NGEF: variants seen among roughly 807,000 people sequenced by gnomAD.
NGEF encodes neuronal guanine nucleotide exchange factor, also known as ephexin-1.
In NGEF, 31 loss-of-function variants were observed where a neutral mutation model predicts 80.9. The ratio of observed to expected loss-of-function variants is 0.38; its 90% CI spans 0.29 to 0.52. The LOEUF is 0.52. NGEF is among the 20% of genes least tolerant of loss of function. The pLI is 0.84. For missense variants in NGEF, 709 were observed against 926.2 expected (o/e 0.77, Z 3.04); for synonymous variants, 371 against 370.2 (o/e 1.00, Z -0.03).
intron 1 of NGEF, among the ~76,000 whole-genome samples, chr2:232,977,886 G>T (rs1452479668): frequency 6.6e-6 from 1 of 152,174 alleles, no homozygotes; most frequent in Non-Finnish European, 1.5e-5. Context: ...AGTGACTTGT[G>T]GTGGTTTTGA....
At chr2:232,962,509 A>T (rs1263635176) in intron 3 of NGEF, among the ~76,000 whole-genome samples, 1 of 152,008 alleles carries the variant, frequency 6.6e-6, no homozygotes, top group African/African-American at 2.4e-5. Context: ...AGATGGCACC[A>T]CTGCACTCTA....
At chr2:232,916,199 C>T (rs1471379685) in intron 5 of NGEF, among the ~76,000 whole-genome samples, 1 of 152,216 alleles carries the variant, frequency 6.6e-6, no homozygotes, top group Admixed American at 6.5e-5. Context: ...AGTGAGAGGG[C>T]ACATAAGCCC....
chr2:232,980,841 T>A lies in NGEF; in HGVS notation c.-74-5877A>T, dbSNP rs565008200. ...GTCCCTAGAGCCCCCTCAGGCAAAG[T>A]CCTAGGGGAACACCGCCACCAGGGC... On this transcript the variant is annotated intron_variant, in intron 1 of 14. Transcript: ENST00000264051. 5.9e-5 allele frequency among the ~76,000 whole-genome samples: 9 copies of A among 152,128 alleles called. No individual in the cohort carries two copies. In the East Asian group the frequency reaches 1.8e-3, roughly 30 times the overall value.
chr2:232,932,196 G>T lies in NGEF; in HGVS notation c.384-5010C>A, dbSNP rs528599594. ...TTTTTTTTTTTTGAGACAGAATCTT[G>T]CTCTATTGCCCAGGCTGGAGTGCAG... On this transcript the variant is annotated intron_variant, in intron 3 of 14. Coordinates refer to ENST00000264051, the MANE Select transcript of NGEF (RefSeq NM_019850.3). 3.5e-3 allele frequency among the ~76,000 whole-genome samples: 350 copies of T among 100,686 alleles called. 2 individuals are homozygous for T. Among genetic ancestry groups the T allele is most frequent in the African/African-American group, 0.012 (315 of 26,028 alleles). 66.1% of individuals were successfully genotyped at this position (100,686 alleles called of 152,430 possible).
chr2:233,006,546 T>C (rs1695087513), intron 1 of NGEF, among the ~76,000 whole-genome samples: 1 of 152,232 alleles, frequency 6.6e-6, no homozygotes, highest in African/African-American at 2.4e-5. Flanking sequence ...GGTTCTTGTG[T>C]ACACATTCCT....
intron 3 of NGEF, among the ~76,000 whole-genome samples, chr2:232,956,137 G>T (rs1358451951): frequency 6.6e-6 from 1 of 152,088 alleles, no homozygotes; most frequent in Non-Finnish European, 1.5e-5. Context: ...GGCTTGAGGA[G>T]AGCAAAGATT....
intron 3 of NGEF, among the ~76,000 whole-genome samples, chr2:232,959,830 C>G (rs745996001): frequency 1.3e-5 from 2 of 152,304 alleles, no homozygotes; most frequent in Middle Eastern, 3.4e-3. Context: ...CTGCCCGCCT[C>G]GGCCTCCCAA....
Position 232,978,930 on chromosome 2 carries a change from C to G in NGEF, c.-74-3966G>C, listed in dbSNP as rs142759536. ...GATGGGTTTTGCCATGCTGCCCAGG[C>G]TGGGTGTCTGGCTTCTGTAGCCTAT... On this transcript the variant is annotated intron_variant, in intron 1 of 14. Coordinates refer to ENST00000264051, the MANE Select transcript of NGEF (RefSeq NM_019850.3). Among the ~76,000 whole-genome samples, 1,083 of 152,310 alleles carry G rather than the reference C, an allele frequency of 7.1e-3. 10 individuals carry two copies. Among genetic ancestry groups the G allele is most frequent in the African/African-American group, 0.024 (1,015 of 41,566 alleles).
intron 3 of NGEF, among the ~76,000 whole-genome samples, chr2:232,935,191 T>C (rs538108506): frequency 1.9e-4 from 29 of 152,368 alleles, no homozygotes; most frequent in African/African-American, 6.7e-4. Context: ...CAGGAGTTCT[T>C]GTTTATGTTT....
rs1451032064 is a variant in NGEF, at chr2:232,928,125, G to GCTGCAA, written c.384-940_384-939insTTGCAG. On this transcript the variant is annotated intron_variant, in intron 3 of 14. Coordinates refer to ENST00000264051, the MANE Select transcript of NGEF (RefSeq NM_019850.3). ...CGCGCGCGGCTCGACCGGAGCTGCA[G>GCTGCAA]CCGCCGCCGCCACCGCTGCCGAGCA... is the stretch of plus-strand genomic sequence containing the variant. 4,096 of 1,001,612 alleles carry GCTGCAA rather than the reference G, an allele frequency of 4.1e-3. 12 individuals carry two copies. Among genetic ancestry groups the GCTGCAA allele is most frequent in the Middle Eastern group, 7.0e-3 (14 of 2,010 alleles). The allele number at this position is 1,001,612 out of a possible 1,614,324, so 62.0% of individuals were successfully genotyped here.
At chr2:232,972,744 C>CCT (rs1694219672) in intron 2 of NGEF, among the ~76,000 whole-genome samples, 1 of 123,322 alleles carries the variant, frequency 8.1e-6, no homozygotes, top group African/African-American at 2.9e-5. Flanking sequence ...TGTCCTTATC[C>CCT]TTTTTTTTTT....
rs139690877 is a variant in NGEF, at chr2:232,884,276, G to A, written c.1438-132C>T. 249 of 1,007,438 alleles carry A rather than the reference G, an allele frequency of 2.5e-4. 3 individuals are homozygous for A. In the East Asian group the frequency reaches 6.3e-3, roughly 26 times the overall value. 62.4% of individuals were successfully genotyped at this position (1,007,438 alleles called of 1,614,324 possible). On this transcript the variant is annotated intron_variant, in intron 10 of 14. Coordinates refer to ENST00000264051, the MANE Select transcript of NGEF (RefSeq NM_019850.3). ...CGACACATGAGGCACAAGTTGGGGG[G>A]AAAGGCCGAGTTCTGGACGGATGCA...
At chr2:232,977,820 A>C (rs570282495) in intron 1 of NGEF, among the ~76,000 whole-genome samples, 1 of 152,204 alleles carries the variant, frequency 6.6e-6, no homozygotes, top group African/African-American at 2.4e-5. Context: ...GATGGCACAC[A>C]GGTGAGTACC....
chr2:232,974,917 AGAACG>A lies in NGEF; in HGVS notation c.-32_-28del. 2 of 1,605,800 alleles carry A rather than the reference AGAACG, an allele frequency of 1.2e-6. No individual in the cohort carries two copies. The highest frequency in any genetic ancestry group is 1.7e-6 in the Non-Finnish European group (2 of 1,176,436). ...GAAATAGAGCCAGATGTTTCTCAGCAGAACGACTGGAGGTCAATGACTTTCCCAAG... is the reference window on the plus strand; with the variant it reads ...GAAATAGAGCCAGATGTTTCTCAGCAACTGGAGGTCAATGACTTTCCCAAG... On this transcript the variant is annotated 5_prime_UTR_variant, in exon 2 of 15. An upstream open reading frame in the 5' UTR loses its in-frame stop. Transcript: ENST00000264051.
chr2:232,891,350 G>A lies in NGEF; in HGVS notation c.1272+8C>T, dbSNP rs1419996819. On this transcript the variant is annotated splice_region_variant and intron_variant, in intron 8 of 14. Coordinates refer to ENST00000264051, the MANE Select transcript of NGEF (RefSeq NM_019850.3). ...CCCCGTCTGTGGGTCAGGTGGAGGAGGCTGTACCTGGACCAACAGCTTGAG... is the reference window on the plus strand; with the variant it reads ...CCCCGTCTGTGGGTCAGGTGGAGGAAGCTGTACCTGGACCAACAGCTTGAG... The A allele has an allele frequency of 3.1e-6, 5 of 1,613,372 alleles. No individual in the cohort carries two copies. In the East Asian group the frequency reaches 8.9e-5, roughly 29 times the overall value.
rs57407464 is a variant in NGEF, at chr2:232,956,781, TAAAA to T, written c.383+13429_383+13432del. 2.1e-3 allele frequency among the ~76,000 whole-genome samples: 130 copies of T among 62,108 alleles called. 1 individual carries two copies. Among genetic ancestry groups the T allele is most frequent in the East Asian group, 4.5e-3 (7 of 1,558 alleles). 40.7% of individuals were successfully genotyped at this position (62,108 alleles called of 152,430 possible). On this transcript the variant is annotated intron_variant, in intron 3 of 14. Coordinates refer to ENST00000264051, the MANE Select transcript of NGEF (RefSeq NM_019850.3). The stretch of plus-strand genomic sequence containing the variant: ...CTGGGCGACAGAGCAAGACTCCATC[TAAAA>T]AAAAAAAAAAAAAAAAAAAAAAATT...
At chr2:232,970,902 A>G (rs1161564392) in intron 2 of NGEF, among the ~76,000 whole-genome samples, 1 of 152,274 alleles carries the variant, frequency 6.6e-6, no homozygotes, top group Non-Finnish European at 1.5e-5. Context: ...TGGAAATAAG[A>G]ATACAAACCT....
Position 232,884,088 on chromosome 2 carries a change from C to G in NGEF, c.1494G>C (p.Gln498His). 6.2e-7 allele frequency: 1 copy of G among 1,611,974 alleles called. No individual in the cohort carries two copies. Among genetic ancestry groups the G allele is most frequent in the Non-Finnish European group, 8.5e-7 (1 of 1,179,544 alleles). Reference protein sequence around the residue: ...RWLLKQGELQQMSGPKTSRTL... With the variant: ...RWLLKQGELQHMSGPKTSRTL... ...TCCGGGAGGTCTTGGGGCCTGACAT[C>G]TGCTGCAGCTCACCCTGCTTCAGCA... Residue 498 changes from glutamine (Q) to histidine (H), a missense_variant, in exon 11 of 15, where the codon CAG becomes CAC. Physicochemically the swap from Gln to His is conservative, Grantham distance 24. Around this residue, in one of 2 missense-constraint regions of NGEF, gnomAD observed 426 missense variants for 622.9 expected, o/e 0.68. Coordinates refer to ENST00000264051, the MANE Select transcript of NGEF (RefSeq NM_019850.3).
intron 5 of NGEF, among the ~76,000 whole-genome samples, chr2:232,914,665 T>C (rs951436157): frequency 6.6e-6 from 1 of 152,184 alleles, no homozygotes; most frequent in African/African-American, 2.4e-5. Flanking sequence ...ATTGTGCCAC[T>C]GCACTCCAGC....
Sources: gnomAD v4.1 joint callset for allele counts (sites outside exome capture counted in the v4.1 genomes callset) on GRCh38, gnomAD v4.1.1 for gene constraint, gnomAD v4.1.1 regional missense constraint, MANE v1.5 for transcripts, NCBI Gene and HGNC (gene_info 2026-07-23, HGNC 2026-07-21) for gene names.